QSOX1: variants seen among roughly 807,000 people sequenced by gnomAD.
The protein encoded by QSOX1 is sulfhydryl oxidase 1.
In QSOX1, 40 loss-of-function variants were observed where a neutral mutation model predicts 76.1. The ratio of observed to expected loss-of-function variants is 0.53; its 90% CI spans 0.41 to 0.68. The LOEUF (loss-of-function observed/expected upper bound fraction) is 0.68, where lower values mean the gene tolerates loss of function less well. Among genes scored for constraint, QSOX1 ranks in the 30% least tolerant of loss-of-function variants. The pLI, the probability that QSOX1 is intolerant of heterozygous loss-of-function variation, is 0.00. For missense variants in QSOX1, 931 were observed against 974.3 expected, an observed-to-expected ratio of 0.96 and a Z score of 0.59; for synonymous variants, 392 against 413.1, an observed-to-expected ratio of 0.95 and a Z score of 0.62.
chr1:180,160,920 A>G (rs924337826), intron 1 of QSOX1, among the ~76,000 whole-genome samples: 2 of 152,234 alleles, frequency 1.3e-5, no homozygotes, highest in Non-Finnish European at 2.9e-5. Context: ...ATTGGAAGAA[A>G]CTGGAAGAAT....
At position 180,195,274 on chromosome 1, in the gene QSOX1, C is replaced by T. The variant is rs374619457; in HGVS notation, c.1468+882C>T. Among the ~76,000 whole-genome samples, 25 of 152,244 alleles carry T rather than the reference C, an allele frequency of 1.6e-4. No individual in the cohort carries two copies. In the East Asian group the frequency reaches 4.1e-3, roughly 25 times the overall value. On this transcript the variant is annotated intron_variant, in intron 11 of 11. Transcript: ENST00000367602. Reference sequence around the variant, plus strand: ...CAGAAGCAGGGTGGTTCCCTCCCCTCTCTGGTGGGGTCCTTTCAGAAGAAA... The same window carrying T: ...CAGAAGCAGGGTGGTTCCCTCCCCTTTCTGGTGGGGTCCTTTCAGAAGAAA...
intron 1 of QSOX1, among the ~76,000 whole-genome samples, chr1:180,157,540 A>G (rs1221082827): frequency 3.9e-5 from 6 of 152,196 alleles, no homozygotes; most frequent in African/African-American, 1.2e-4. Flanking sequence ...AGTGAAGGTC[A>G]CAGGGAGAGA....
intron 8 of QSOX1, 75 bp from the exon 9 acceptor site, chr1:180,189,477 T>A: frequency 6.5e-6 from 4 of 618,580 alleles, no homozygotes; most frequent in Non-Finnish European, 9.4e-6. Context: ...TCTGCATAGC[T>A]TCCTACCATC....
intron 6 of QSOX1, 45 bp from the exon 7 acceptor site, chr1:180,183,871 T>A: frequency 6.3e-7 from 1 of 1,580,982 alleles, no homozygotes. Context: ...CTAATCTTGT[T>A]CTCTGCACTT....
At chr1:180,171,410 G>T (rs999458953) in intron 2 of QSOX1, among the ~76,000 whole-genome samples, 9 of 151,636 alleles carry the variant, frequency 5.9e-5, no homozygotes, top group African/African-American at 2.2e-4. Flanking sequence ...GGCAAAGCAG[G>T]TTGAGAGAGG....
At chr1:180,180,054 C>T (rs1054364221) in intron 5 of QSOX1, among the ~76,000 whole-genome samples, 2 of 152,230 alleles carry the variant, frequency 1.3e-5, no homozygotes, top group African/African-American at 4.8e-5. Flanking sequence ...TGGTGCTTAG[C>T]GTGGGACCAG....
rs760562342 is a variant in QSOX1 at position 180,196,898 on chromosome 1, G to A, written c.2105G>A (p.Gly702Glu). 6.3e-7 allele frequency: 1 copy of A among 1,593,544 alleles called. No homozygotes were observed. The highest frequency in any genetic ancestry group is 1.7e-5 in the Admixed American group (1 of 58,174). Reference protein sequence around the residue: ...RGRGQWLQVLGGGFSYLDISL... With the variant: ...RGRGQWLQVLEGGFSYLDISL... Reference sequence around the variant, plus strand: ...CGAGGCCAGTGGCTGCAGGTGCTGGGAGGGGGCTTCTCTTACCTGGACATC... The same window carrying A: ...CGAGGCCAGTGGCTGCAGGTGCTGGAAGGGGGCTTCTCTTACCTGGACATC... The change falls in exon 12 of 12, where the codon GGA (glycine) becomes GAA (glutamate). Residue 702 changes from glycine to glutamate, a missense_variant. By Grantham distance (98) the Gly-to-Glu change is moderately conservative. Coordinates refer to ENST00000367602, the MANE Select transcript of QSOX1 (RefSeq NM_002826.5). The surrounding 1 kb of genome is among the most constrained non-coding windows in gnomAD (Gnocchi z 4.1).
At chr1:180,195,032 G>T (rs1301381562) in intron 11 of QSOX1, among the ~76,000 whole-genome samples, 3 of 151,536 alleles carry the variant, frequency 2.0e-5, no homozygotes, top group Non-Finnish European at 4.4e-5. Flanking sequence ...GAGGTTAAAG[G>T]AGCTGAATGG....
chr1:180,174,472 C>T (rs73040423), intron 2 of QSOX1, among the ~76,000 whole-genome samples: 4,740 of 152,338 alleles, frequency 0.031, 121 homozygotes, highest in Middle Eastern at 0.085. Flanking sequence ...CCTTCCTTGA[C>T]TGTGTCTGCT....
At chr1:180,189,259 C>T (rs959174333) in intron 8 of QSOX1, among the ~76,000 whole-genome samples, 7 of 152,152 alleles carry the variant, frequency 4.6e-5, no homozygotes, top group Non-Finnish European at 8.8e-5. Context: ...GCACAGGAGC[C>T]TGAGGTCTGA....
intron 10 of QSOX1, among the ~76,000 whole-genome samples, chr1:180,194,007 G>A (rs1663392208): frequency 6.6e-6 from 1 of 152,132 alleles, no homozygotes; most frequent in East Asian, 1.9e-4. Context: ...GAGTTTTGGG[G>A]GGATGGGGTC....
intron 9 of QSOX1, 57 bp downstream of exon 9, chr1:180,189,731 GGGGTTAACCCT>G (rs1663262327): frequency 2.5e-6 from 4 of 1,577,310 alleles, no homozygotes; most frequent in Non-Finnish European, 3.5e-6. Context: ...GAGAGTGCAA[GGGGTTAACCCT>G]GTCATTTCTG....
intron 2 of QSOX1, among the ~76,000 whole-genome samples, chr1:180,167,465 G>GGT (rs1662659293): frequency 6.6e-6 from 1 of 152,180 alleles, no homozygotes; most frequent in African/African-American, 2.4e-5. Context: ...CTGAGCTGGG[G>GGT]GTAGGGGCAG....
chr1:180,194,994 C>T (rs1190887922), intron 11 of QSOX1, among the ~76,000 whole-genome samples: 1 of 124,622 alleles, frequency 8.0e-6, no homozygotes, highest in East Asian at 3.6e-4. Context: ...GTGACAGCCT[C>T]CCGGGGGGGG....
At chr1:180,190,847 C>G (rs565044907) in intron 10 of QSOX1, among the ~76,000 whole-genome samples, 2 of 152,310 alleles carry the variant, frequency 1.3e-5, no homozygotes, top group South Asian at 4.1e-4. Flanking sequence ...GGGGCTGAGG[C>G]TTCTCCCTGT....
chr1:180,159,340 C>T (rs1025464975), intron 1 of QSOX1, among the ~76,000 whole-genome samples: 4 of 152,240 alleles, frequency 2.6e-5, no homozygotes, highest in African/African-American at 4.8e-5. Flanking sequence ...GCCTCTGTCA[C>T]CCAGCTCTGC....
rs150074760 is a variant in QSOX1 at position 180,196,752 on chromosome 1, T to C, written c.1959T>C (p.Ala653=). The C allele has an allele frequency of 2.5e-6, 4 of 1,614,140 alleles. No individual in the cohort carries two copies. Among genetic ancestry groups the C allele is most frequent in the Non-Finnish European group, 2.5e-6 (3 of 1,180,018 alleles). Residue 653 remains alanine, a synonymous_variant, in exon 12 of 12, where the codon GCT becomes GCC. Transcript: ENST00000367602. This position sits in a 1 kb window ranked among gnomAD's most constrained non-coding sequence, Gnocchi z 4.1. Reference sequence around the variant, plus strand: ...GAGACACAGGGGCTGCATTGCTGGCTGAGTCCAGGGCTGAGAAGAACCGCC... The same window carrying C: ...GAGACACAGGGGCTGCATTGCTGGCCGAGTCCAGGGCTGAGAAGAACCGCC... ...SKRDTGAALL[A]ESRAEKNRLW...
intron 5 of QSOX1, among the ~76,000 whole-genome samples, chr1:180,181,442 C>G (rs1472478637): frequency 6.6e-6 from 1 of 152,158 alleles, no homozygotes; most frequent in Non-Finnish European, 1.5e-5. Flanking sequence ...GTTTTCAGAT[C>G]TTCTTATAAC....
chr1:180,161,671 A>AT (rs1161502434), intron 1 of QSOX1, among the ~76,000 whole-genome samples: 3 of 152,234 alleles, frequency 2.0e-5, no homozygotes, highest in Non-Finnish European at 4.4e-5. Context: ...TTAAAAGAAA[A>AT]TAAGTTTTCT....
Sources: allele counts gnomAD v4.1 joint callset (sites outside exome capture counted in the v4.1 genomes callset), GRCh38; gene constraint gnomAD v4.1.1; non-coding constraint Gnocchi (gnomAD v3.1); transcripts MANE v1.5; gene names NCBI Gene and HGNC (gene_info 2026-07-23, HGNC 2026-07-21).